The following NUBPL variants were observed in gnomAD, a reference collection of about 807,000 sequenced individuals.
NUBPL encodes the protein iron-sulfur cluster transfer protein NUBPL.
A neutral mutation model predicts 45.7 loss-of-function variants in NUBPL; 31 were observed. That is an observed-to-expected ratio of 0.68 (90% CI 0.51 to 0.92). The LOEUF (loss-of-function observed/expected upper bound fraction) is 0.92, where lower values mean the gene tolerates loss of function less well. Ranked by LOEUF, NUBPL falls within the 40% of genes least tolerant of loss-of-function variation. NUBPL has a pLI of 0.00. For missense variants in NUBPL, 401 were observed against 398.7 expected, an observed-to-expected ratio of 1.01 and a Z score of -0.05; for synonymous variants, 144 against 140.9, an observed-to-expected ratio of 1.02 and a Z score of -0.15.
At chr14:31,563,681 T>A (rs943889388) in intron 2 of NUBPL, among the ~76,000 whole-genome samples, 15 of 152,196 alleles carry the variant, frequency 9.9e-5, no homozygotes, top group African/African-American at 3.1e-4. Context: ...GCTAGAGATG[T>A]TTTAGATTAG....
At chr14:31,798,719 G>A (rs1379604369) in intron 7 of NUBPL, among the ~76,000 whole-genome samples, 1 of 145,152 alleles carries the variant, frequency 6.9e-6, no homozygotes, top group Non-Finnish European at 1.5e-5. Context: ...GTGAACCTGG[G>A]AGGCGGAGCT....
At chr14:31,750,682 G>A (rs111541101) in intron 6 of NUBPL, among the ~76,000 whole-genome samples, 1 of 151,968 alleles carries the variant, frequency 6.6e-6, no homozygotes, top group African/African-American at 2.4e-5. Context: ...TTTTATAGTA[G>A]CTTTGTAGGG....
chr14:31,838,859 A>G (rs761663186), intron 8 of NUBPL, among the ~76,000 whole-genome samples: 5 of 152,160 alleles, frequency 3.3e-5, no homozygotes, highest in Admixed American at 6.5e-5. Context: ...CCACATTTCA[A>G]GTATCCAGTA....
At chr14:31,674,286 A>G (rs1014558260) in intron 6 of NUBPL, among the ~76,000 whole-genome samples, 2 of 152,220 alleles carry the variant, frequency 1.3e-5, no homozygotes, top group African/African-American at 2.4e-5. Flanking sequence ...ACTTTGGGTC[A>G]GGCACCATGC....
intron 7 of NUBPL, among the ~76,000 whole-genome samples, chr14:31,813,518 T>C (rs993598597): frequency 2.5e-4 from 38 of 150,580 alleles, no homozygotes; most frequent in African/African-American, 7.3e-4. Context: ...TATATATATA[T>C]ACACACACAT....
At chr14:31,640,175 A>G (rs934461534) in intron 4 of NUBPL, among the ~76,000 whole-genome samples, 82 of 152,328 alleles carry the variant, frequency 5.4e-4, no homozygotes, top group African/African-American at 1.9e-3. Context: ...TGTCTTCTGC[A>G]TCGCTCATGC....
chr14:31,640,556 A>C (rs1419491468), intron 4 of NUBPL, among the ~76,000 whole-genome samples: 1 of 150,768 alleles, frequency 6.6e-6, no homozygotes, highest in Non-Finnish European at 1.5e-5. Flanking sequence ...TGGAGGTTGC[A>C]GTGAGTTAAG....
At chr14:31,587,479 T>G (rs1338296183) in intron 3 of NUBPL, among the ~76,000 whole-genome samples, 1 of 152,242 alleles carries the variant, frequency 6.6e-6, no homozygotes, top group Non-Finnish European at 1.5e-5. Flanking sequence ...TGGCTATTAT[T>G]ATGTGTTAGC....
intron 6 of NUBPL, among the ~76,000 whole-genome samples, chr14:31,775,236 G>A (rs1471066675): frequency 1.3e-5 from 2 of 152,062 alleles, no homozygotes; most frequent in East Asian, 3.9e-4. Flanking sequence ...TGACCAACAT[G>A]GTGAAACCCT....
intron 3 of NUBPL, among the ~76,000 whole-genome samples, chr14:31,575,743 G>A (rs184559517): frequency 6.6e-6 from 1 of 152,124 alleles, no homozygotes; most frequent in Non-Finnish European, 1.5e-5. Context: ...TAGCTTGGAA[G>A]TAAATACAAT....
chr14:31,598,131 G>A (rs1468481081), intron 3 of NUBPL, among the ~76,000 whole-genome samples: 6 of 151,820 alleles, frequency 4.0e-5, no homozygotes, highest in African/African-American at 1.2e-4. Context: ...TATTAATCCC[G>A]TTTTTTCCTC....
chr14:31,655,832 C>T (rs1046333222), intron 4 of NUBPL, among the ~76,000 whole-genome samples: 2 of 152,172 alleles, frequency 1.3e-5, no homozygotes, highest in Non-Finnish European at 2.9e-5. Context: ...TCAAAATGGT[C>T]AGTGAATATT....
At chr14:31,615,200 C>T (rs984898264) in intron 4 of NUBPL, among the ~76,000 whole-genome samples, 4 of 152,116 alleles carry the variant, frequency 2.6e-5, no homozygotes, top group African/African-American at 9.7e-5. Context: ...TCTCCTGCCA[C>T]CAAGTAAGAC....
chr14:31,817,688 A>T (rs974267779), intron 7 of NUBPL, among the ~76,000 whole-genome samples: 1 of 152,230 alleles, frequency 6.6e-6, no homozygotes, highest in South Asian at 2.1e-4. Flanking sequence ...GAAAACTGGT[A>T]CCAGCCACTG....
intron 6 of NUBPL, among the ~76,000 whole-genome samples, chr14:31,750,881 A>G (rs779614127): frequency 6.6e-6 from 1 of 152,176 alleles, no homozygotes; most frequent in Non-Finnish European, 1.5e-5. Flanking sequence ...AAAAAGGTTT[A>G]ATCGATTTAC....
intron 8 of NUBPL, chr14:31,846,199 C>T: frequency 2.5e-6 from 1 of 400,160 alleles, no homozygotes; most frequent in Non-Finnish European, 4.7e-6. Flanking sequence ...CTATGGGAAA[C>T]TCAAAGATTT....
rs371052989 is a variant in NUBPL at position 31,564,682 on chromosome 14, TA to T, written c.257-331del. 8.9e-4 allele frequency among the ~76,000 whole-genome samples: 135 copies of T among 152,248 alleles called. 1 individual carries two copies. The East Asian group carries it at 0.021, about 23-fold the overall frequency. ...AATATGGTTTTGAAAATAATTGAAT[TA>T]TATATTAACATGATTTTAAAAAATT... On this transcript the variant is annotated intron_variant, in intron 2 of 10. Coordinates refer to ENST00000281081, the MANE Select transcript of NUBPL (RefSeq NM_025152.3).
chr14:31,856,342 C>T (rs978599964), intron 10 of NUBPL, among the ~76,000 whole-genome samples: 1 of 152,108 alleles, frequency 6.6e-6, no homozygotes, highest in Non-Finnish European at 1.5e-5. Context: ...AGGTTCTTCC[C>T]ATGACACATG....
At chr14:31,597,752 T>G (rs1165348770) in intron 3 of NUBPL, among the ~76,000 whole-genome samples, 1 of 152,144 alleles carries the variant, frequency 6.6e-6, no homozygotes, top group Non-Finnish European at 1.5e-5. Context: ...GGCAGTAGTT[T>G]TTAGTTTTTG....
Sources: allele counts gnomAD v4.1 joint callset (sites outside exome capture counted in the v4.1 genomes callset), GRCh38; gene constraint gnomAD v4.1.1; transcripts MANE v1.5; gene names NCBI Gene and HGNC (gene_info 2026-07-23, HGNC 2026-07-21).